Variants in NNT observed in about 807,000 individuals in gnomAD.
NNT encodes the protein NAD(P) transhydrogenase, mitochondrial.
A neutral mutation model predicts 104.8 loss-of-function variants in NNT; 50 were observed. The ratio of observed to expected loss-of-function variants is 0.48; its 90% CI spans 0.38 to 0.60. The LOEUF (loss-of-function observed/expected upper bound fraction) is 0.60, where lower values mean the gene tolerates loss of function less well. NNT is among the 20% of genes least tolerant of loss of function. The pLI is 0.00. For synonymous variants in NNT, 461 were observed against 490.4 expected (o/e 0.94, Z 0.79); for missense variants, 1,131 against 1,330.7 (o/e 0.85, Z 2.33).
intron 11 of NNT, among the ~76,000 whole-genome samples, chr5:43,650,061 C>G (rs1459469457): frequency 6.6e-6 from 1 of 152,216 alleles, no homozygotes; most frequent in South Asian, 2.1e-4. Flanking sequence ...GCATCCCCAG[C>G]AGGCATTTAC....
intron 3 of NNT, among the ~76,000 whole-genome samples, chr5:43,615,450 T>A (rs934709597): frequency 6.6e-6 from 1 of 152,248 alleles, no homozygotes; most frequent in Non-Finnish European, 1.5e-5. Context: ...GAATCTTGCT[T>A]GAAGGATTGA....
intron 19 of NNT, among the ~76,000 whole-genome samples, chr5:43,681,819 C>T (rs995670858): frequency 2.0e-5 from 3 of 152,152 alleles, no homozygotes; most frequent in Admixed American, 6.5e-5. Flanking sequence ...TACAAGGATG[C>T]GTAAGTCCAG....
chr5:43,646,966 G>T (rs188264998), intron 10 of NNT, among the ~76,000 whole-genome samples: 114 of 152,114 alleles, frequency 7.5e-4, no homozygotes, highest in South Asian at 3.9e-3. Flanking sequence ...GCTGAAATAC[G>T]GATATTTGAT....
chr5:43,633,399 T>C (rs1750781419), intron 7 of NNT, among the ~76,000 whole-genome samples: 1 of 152,228 alleles, frequency 6.6e-6, no homozygotes, highest in Admixed American at 6.5e-5. Flanking sequence ...GCCAAGATAC[T>C]TTTTTGCCTT....
intron 11 of NNT, 137 bp from the exon 12 acceptor site, chr5:43,650,340 G>T (rs1174644800): frequency 1.3e-5 from 7 of 557,832 alleles, no homozygotes; most frequent in Admixed American, 2.9e-5. Context: ...TTTAATGAGG[G>T]TGTAAGAAAG....
At chr5:43,643,153 A>G (rs1018687074) in intron 7 of NNT, among the ~76,000 whole-genome samples, 1 of 152,150 alleles carries the variant, frequency 6.6e-6, no homozygotes, top group South Asian at 2.1e-4. Context: ...CCTGGGCTCA[A>G]GTGATCCTCC....
intron 17 of NNT, among the ~76,000 whole-genome samples, chr5:43,672,488 A>G (rs1741164596): frequency 6.6e-6 from 1 of 152,178 alleles, no homozygotes; most frequent in Admixed American, 6.5e-5. Flanking sequence ...TCTGTTTGTT[A>G]GTTTTCCTTC....
chr5:43,669,513 G>A (rs1450138140), intron 17 of NNT, among the ~76,000 whole-genome samples: 1 of 152,002 alleles, frequency 6.6e-6, no homozygotes, highest in African/African-American at 2.4e-5. Flanking sequence ...TTTGTCAAAG[G>A]CCTTTTCTGC....
At chr5:43,650,054 TC>T (rs1395654382) in intron 11 of NNT, among the ~76,000 whole-genome samples, 1 of 152,192 alleles carries the variant, frequency 6.6e-6, no homozygotes, top group African/African-American at 2.4e-5. Flanking sequence ...AAGCTAGGCA[TC>T]CCCAGCAGGC....
intron 7 of NNT, among the ~76,000 whole-genome samples, chr5:43,643,009 C>T (rs939400440): frequency 5.9e-5 from 9 of 152,172 alleles, no homozygotes; most frequent in South Asian, 2.1e-4. Flanking sequence ...ACTGCATCCT[C>T]GAGTTCCTGG....
At chr5:43,645,567 A>G in intron 10 of NNT, 57 bp downstream of exon 10, 1 of 1,124,598 alleles carries the variant, frequency 8.9e-7, no homozygotes, top group Non-Finnish European at 1.2e-6. Context: ...CAAGTTATAT[A>G]TATATATATC....
chr5:43,681,680 G>A (rs62368571), intron 19 of NNT, among the ~76,000 whole-genome samples: 5,135 of 152,206 alleles, frequency 0.034, 134 homozygotes, highest in East Asian at 0.12. Flanking sequence ...GATTACAGGC[G>A]TGAGCCACCG....
rs774345916 is a variant in NNT, at chr5:43,624,038, A to G, written c.694A>G (p.Ile232Val). The change falls in exon 6 of 22, where the codon ATA becomes GTA. Residue 232 changes from isoleucine (I) to valine (V), a missense_variant. Ile to Val is a conservative substitution (Grantham distance 29, BLOSUM62 3). Coordinates refer to ENST00000344920, the MANE Select transcript of NNT (RefSeq NM_182977.3). ...AGKVPPAKIL[I>V]VGGGVAGLAS... ...AACTGGGTCTGTCTTCTAGATTCTG[A>G]TAGTTGGTGGTGGTGTTGCTGGGCT... is the stretch of plus-strand genomic sequence containing the variant. 2.5e-6 allele frequency: 4 copies of G among 1,613,958 alleles called. No homozygotes were observed. The African/African-American group carries it at 4.0e-5, about 16-fold the overall frequency.
At chr5:43,682,764 AT>A (rs2112141299) in intron 19 of NNT, among the ~76,000 whole-genome samples, 1 of 152,350 alleles carries the variant, frequency 6.6e-6, no homozygotes, top group East Asian at 1.9e-4. Flanking sequence ...AGATACCACT[AT>A]TCATATCCAT....
chr5:43,677,722 C>T lies in NNT; in HGVS notation c.2795-3C>T. On this transcript the variant is annotated splice_polypyrimidine_tract_variant and splice_region_variant and intron_variant, in intron 18 of 21. Transcript: ENST00000344920. ...TCTTCTGTGTTCTTAATGTTCCTTG[C>T]AGGCTATGGTCTCTGTGCAGCCAAA... 1 of 1,612,028 alleles carries T rather than the reference C, an allele frequency of 6.2e-7. No homozygotes were observed. Among genetic ancestry groups the T allele is most frequent in the African/African-American group, 1.3e-5 (1 of 74,990 alleles).
chr5:43,690,711 C>A (rs1279350642), intron 19 of NNT, among the ~76,000 whole-genome samples: 1 of 151,940 alleles, frequency 6.6e-6, no homozygotes, highest in Non-Finnish European at 1.5e-5. Context: ...AAAAGGCTGT[C>A]CCAGCTTCCA....
At position 43,644,593 on chromosome 5, in the gene NNT, A is replaced by C. The variant is rs371082816; in HGVS notation, c.1099-18A>C. ...CATAGGGTGATAGACCTTTTTGACT[A>C]TAATTTTGTTCATTTAGGGAATTAC... On this transcript the variant is annotated intron_variant, in intron 8 of 21. Coordinates refer to ENST00000344920, the MANE Select transcript of NNT (RefSeq NM_182977.3). The C allele has an allele frequency of 4.4e-6, 7 of 1,590,606 alleles. No individual in the cohort carries two copies. The highest frequency in any genetic ancestry group is 6.0e-6 in the Non-Finnish European group (7 of 1,169,348).
intron 19 of NNT, among the ~76,000 whole-genome samples, chr5:43,693,254 G>A (rs750592764): frequency 2.6e-5 from 4 of 151,992 alleles, no homozygotes; most frequent in Non-Finnish European, 4.4e-5. Flanking sequence ...AGTCTTGGGA[G>A]TATATTTTGG....
intron 17 of NNT, chr5:43,666,894 G>A: frequency 6.4e-7 from 1 of 1,555,526 alleles, no homozygotes; most frequent in Non-Finnish European, 8.8e-7. Flanking sequence ...TGGGCCCCTT[G>A]GCAATACAGG....
Sources: allele counts gnomAD v4.1 joint callset (sites outside exome capture counted in the v4.1 genomes callset), GRCh38; gene constraint gnomAD v4.1.1; transcripts MANE v1.5; gene names NCBI Gene and HGNC (gene_info 2026-07-23, HGNC 2026-07-21).